Variants in FKBP5 observed in about 807,000 individuals in gnomAD.
FKBP5 encodes FKBP prolyl isomerase 5.
In FKBP5, 23 loss-of-function variants were observed where a neutral mutation model predicts 50.5. That is an observed-to-expected ratio of 0.46 (90% CI 0.33 to 0.65). The LOEUF is 0.65. Among genes scored for constraint, FKBP5 ranks in the 30% least tolerant of loss-of-function variants. The probability of loss-of-function intolerance (pLI) is 0.02; values close to 1 mark genes in which losing one functional copy is unlikely to be tolerated. For missense variants in FKBP5, 411 were observed against 553.1 expected (o/e 0.74, Z 2.58); for synonymous variants, 176 against 190.6 (o/e 0.92, Z 0.63).
intron 6 of FKBP5, among the ~76,000 whole-genome samples, chr6:35,595,338 G>T (rs1762956381): frequency 6.6e-6 from 1 of 152,146 alleles, no homozygotes. Flanking sequence ...ACATTATGTT[G>T]TCATAATACA....
In FKBP5 at chr6:35,575,924, T is replaced by C. The variant is rs202212927; in HGVS notation, c.1285A>G (p.Met429Val). 8.1e-6 allele frequency: 13 copies of C among 1,611,612 alleles called. No individual in the cohort carries two copies. Among genetic ancestry groups the C allele is most frequent in the Middle Eastern group, 1.6e-4 (1 of 6,082 alleles). Residue 429 changes from methionine (M) to valine (V), a missense_variant, in exon 11 of 11, where the codon ATG becomes GTG. Physicochemically the swap from Met to Val is conservative, Grantham distance 21 (BLOSUM62 1). This residue lies in a region of FKBP5 where 88 missense variants were observed against 89.0 expected (regional missense o/e 0.99). Coordinates refer to ENST00000357266, the MANE Select transcript of FKBP5 (RefSeq NM_004117.4). ...ACCCCTTCTGAAGTCTTCTTGCCCA[T>C]TGCTTTATTGGCCTCTTCCTAAGGA... ...QDAKEEANKAMGKKTSEGVTN... is the reference protein window; with the variant it reads ...QDAKEEANKAVGKKTSEGVTN...
At chr6:35,650,247 G>T (rs867768616) in intron 1 of FKBP5, among the ~76,000 whole-genome samples, 16 of 146,470 alleles carry the variant, frequency 1.1e-4, no homozygotes, top group East Asian at 8.2e-4. Flanking sequence ...GGAGTATCAC[G>T]CCATGGTTGC....
At chr6:35,701,483 T>A (rs952557760) in intron 2 of FKBP5, among the ~76,000 whole-genome samples, 5 of 151,958 alleles carry the variant, frequency 3.3e-5, no homozygotes, top group African/African-American at 1.2e-4. Flanking sequence ...GACCTCGTGA[T>A]CCGCCCGCCT....
intron 3 of FKBP5, among the ~76,000 whole-genome samples, chr6:35,622,229 C>T (rs1269236794): frequency 6.6e-6 from 1 of 152,032 alleles, no homozygotes; most frequent in Non-Finnish European, 1.5e-5. Flanking sequence ...ATGTAAGTGG[C>T]CAGGAATAGT....
chr6:35,597,854 T>C (rs919189724), intron 5 of FKBP5, among the ~76,000 whole-genome samples: 1 of 152,202 alleles, frequency 6.6e-6, no homozygotes, highest in Admixed American at 6.5e-5. Context: ...TCTCCAATGA[T>C]ATACAAAGAT....
At chr6:35,666,394 T>A (rs1352891000) in intron 1 of FKBP5, among the ~76,000 whole-genome samples, 4 of 33,268 alleles carry the variant, frequency 1.2e-4, no homozygotes, top group African/African-American at 1.1e-4. Context: ...CTATTATAGT[T>A]AAAAAAAAAA....
intron 1 of FKBP5, among the ~76,000 whole-genome samples, chr6:35,686,742 T>C (rs937110671): frequency 6.6e-6 from 1 of 152,198 alleles, no homozygotes; most frequent in Non-Finnish European, 1.5e-5. Context: ...TTTAGGAAAC[T>C]AAACTGAACC....
intron 1 of FKBP5, among the ~76,000 whole-genome samples, chr6:35,666,624 C>T (rs1765233930): frequency 6.6e-6 from 1 of 152,094 alleles, no homozygotes. Flanking sequence ...GGCACGGTGG[C>T]TCACGCCTGT....
At chr6:35,633,542 CAAA>C (rs10714201) in intron 3 of FKBP5, among the ~76,000 whole-genome samples, 14 of 91,580 alleles carry the variant, frequency 1.5e-4, no homozygotes, top group South Asian at 3.7e-4. Flanking sequence ...GATTCCATCT[CAAA>C]AAAAAAAAAA....
At chr6:35,626,252 C>T (rs1476383509) in intron 3 of FKBP5, among the ~76,000 whole-genome samples, 1 of 151,934 alleles carries the variant, frequency 6.6e-6, no homozygotes, top group Non-Finnish European at 1.5e-5. Flanking sequence ...ACGTATGTAA[C>T]TATAGGCAGG....
chr6:35,696,894 T>C (rs1337920383), intron 2 of FKBP5, among the ~76,000 whole-genome samples: 4 of 152,176 alleles, frequency 2.6e-5, no homozygotes, highest in Admixed American at 2.6e-4. Flanking sequence ...CCAGAAATAA[T>C]CTCACTCATC....
chr6:35,620,128 T>G lies in FKBP5; in HGVS notation c.393+4A>C, dbSNP rs1458470497. The G allele has an allele frequency of 5.0e-6, 8 of 1,614,122 alleles. No individual in the cohort carries two copies. Among genetic ancestry groups the G allele is most frequent in the Non-Finnish European group, 6.8e-6 (8 of 1,180,014 alleles). On this transcript the variant is annotated splice_donor_region_variant and intron_variant, in intron 4 of 10. Coordinates refer to ENST00000357266, the MANE Select transcript of FKBP5 (RefSeq NM_004117.4). ...TGACAAGGCAACATCACACACATACTTGCCTCAAAAAAGAGAGTTGCATTC... is the reference window on the plus strand; with the variant it reads ...TGACAAGGCAACATCACACACATACGTGCCTCAAAAAAGAGAGTTGCATTC...
intron 2 of FKBP5, among the ~76,000 whole-genome samples, chr6:35,695,319 A>G (rs114694587): frequency 0.036 from 5,417 of 152,240 alleles, 311 homozygotes; most frequent in African/African-American, 0.12. Flanking sequence ...GCACGCCACA[A>G]CGCCTGACTA....
chr6:35,596,421 A>G (rs981534795), intron 6 of FKBP5, among the ~76,000 whole-genome samples: 3 of 152,178 alleles, frequency 2.0e-5, no homozygotes, highest in Non-Finnish European at 4.4e-5. Flanking sequence ...GGATTACTAC[A>G]GAGTCTATAA....
At chr6:35,621,889 G>T (rs1763856421) in intron 3 of FKBP5, among the ~76,000 whole-genome samples, 1 of 151,792 alleles carries the variant, frequency 6.6e-6, no homozygotes. Context: ...TGAGGAGAGA[G>T]GACTACTTGA....
At chr6:35,681,481 T>C (rs959576200) in intron 1 of FKBP5, among the ~76,000 whole-genome samples, 1 of 152,172 alleles carries the variant, frequency 6.6e-6, no homozygotes, top group African/African-American at 2.4e-5. Context: ...CACCATACCT[T>C]AGTTTTGCCT....
chr6:35,656,173 T>C (rs1052327338), intron 1 of FKBP5, among the ~76,000 whole-genome samples: 3 of 152,136 alleles, frequency 2.0e-5, no homozygotes, highest in Admixed American at 2.0e-4. Context: ...AAGAATAGCA[T>C]TTGAGTCTGT....
intron 3 of FKBP5, among the ~76,000 whole-genome samples, chr6:35,626,316 T>TTTC (rs1763997742): frequency 6.6e-6 from 1 of 152,164 alleles, no homozygotes; most frequent in African/African-American, 2.4e-5. Context: ...CATTATACTT[T>TTTC]TTCTTCCTTC....
chr6:35,609,031 C>G (rs1205944976), intron 5 of FKBP5, among the ~76,000 whole-genome samples: 1 of 152,200 alleles, frequency 6.6e-6, no homozygotes, highest in African/African-American at 2.4e-5. Flanking sequence ...CTCCTGGCCT[C>G]AAGTGACGCC....
Sources: allele counts gnomAD v4.1 joint callset (sites outside exome capture counted in the v4.1 genomes callset), GRCh38; gene constraint gnomAD v4.1.1; regional missense constraint gnomAD v4.1.1; transcripts MANE v1.5; gene names NCBI Gene and HGNC (gene_info 2026-07-23, HGNC 2026-07-21).